OR56B2: variants seen among roughly 807,000 people sequenced by gnomAD.
The protein encoded by OR56B2 is olfactory receptor 56B2.
the OR56B2 span, among the ~76,000 whole-genome samples, chr11:5,768,503 T>C: frequency 1.4e-5 from 2 of 139,856 alleles, 1 homozygote; most frequent in Admixed American, 1.5e-4. Flanking sequence ...TATCTTTCCC[T>C]GTGATAAACA....
At chr11:5,761,281 C>T in the OR56B2 span, 1 of 152,136 alleles carries the variant, frequency 6.6e-6, no homozygotes, top group African/African-American at 2.4e-5. Flanking sequence ...TTTTAATCTT[C>T]GCGGAGATTT....
the OR56B2 span, chr11:5,766,850 CAT>C: frequency 7.2e-6 from 1 of 139,812 alleles, no homozygotes; most frequent in African/African-American, 2.6e-5. Flanking sequence ...GTGCCATTAA[CAT>C]ATGACCCAGG....
At chr11:5,762,014 CAG>C in the OR56B2 span, among the ~76,000 whole-genome samples, 1 of 152,068 alleles carries the variant, frequency 6.6e-6, no homozygotes, top group Non-Finnish European at 1.5e-5. Context: ...ATTGGAAAGA[CAG>C]AGTCTCACAT....
the OR56B2 span, among the ~76,000 whole-genome samples, chr11:5,763,391 G>A: frequency 4.2e-5 from 6 of 141,438 alleles, 2 homozygotes; most frequent in Non-Finnish European, 7.8e-5. Context: ...TCAGCTCACC[G>A]CAACCTCCGC....
chr11:5,761,934 G>C, the OR56B2 span, among the ~76,000 whole-genome samples: 1 of 152,020 alleles, frequency 6.6e-6, no homozygotes, highest in Non-Finnish European at 1.5e-5. Context: ...TTCACCCAAA[G>C]TATTAGAATT....
the OR56B2 span, among the ~76,000 whole-genome samples, chr11:5,763,024 A>G: frequency 6.6e-6 from 1 of 152,042 alleles, no homozygotes; most frequent in African/African-American, 2.4e-5. Flanking sequence ...CTTATCTAAG[A>G]ATACCCGATT....
At chr11:5,766,201 A>G in the OR56B2 span, 2 of 141,026 alleles carry the variant, frequency 1.4e-5, 1 homozygote, top group African/African-American at 5.2e-5. Flanking sequence ...CAAAGGAGAT[A>G]GAAGTAATAT....
chr11:5,761,397 A>G, the OR56B2 span, among the ~76,000 whole-genome samples: 1 of 152,212 alleles, frequency 6.6e-6, no homozygotes, highest in East Asian at 1.9e-4. Context: ...TGTCAAATTA[A>G]TCTGAATATT....
At chr11:5,762,204 A>ATTT in the OR56B2 span, among the ~76,000 whole-genome samples, 11 of 151,654 alleles carry the variant, frequency 7.3e-5, no homozygotes, top group African/African-American at 1.2e-4. Flanking sequence ...TGCCACATGT[A>ATTT]TTTTTTTTCT....
At chr11:5,766,908 A>T in the OR56B2 span, 2 of 140,058 alleles carry the variant, frequency 1.4e-5, no homozygotes, top group Non-Finnish European at 3.2e-5. Flanking sequence ...AAAAATGTTA[A>T]TACAAAAACC....
At chr11:5,768,714 C>T in the OR56B2 span, among the ~76,000 whole-genome samples, 3 of 139,598 alleles carry the variant, frequency 2.1e-5, no homozygotes, top group Admixed American at 1.5e-4. Context: ...TTATTCTCTA[C>T]ATGTATATTT....
At chr11:5,767,257 C>G in the OR56B2 span, 1 of 138,916 alleles carries the variant, frequency 7.2e-6, no homozygotes, top group East Asian at 2.1e-4. Flanking sequence ...AGTTATGTAA[C>G]AGAGAAAACT....
chr11:5,765,197 G>A, the OR56B2 span: 7,040 of 181,710 alleles, frequency 0.039, 1,472 homozygotes, highest in African/African-American at 0.17. Context: ...GGCAGCACTG[G>A]CTCTCCCTGC....
the OR56B2 span, among the ~76,000 whole-genome samples, chr11:5,764,268 C>T: frequency 7.1e-6 from 1 of 140,932 alleles, no homozygotes; most frequent in Non-Finnish European, 1.6e-5. Context: ...CAAAGCATTG[C>T]TCTCAAAATC....
At chr11:5,762,906 C>T in the OR56B2 span, among the ~76,000 whole-genome samples, 1 of 151,990 alleles carries the variant, frequency 6.6e-6, no homozygotes, top group African/African-American at 2.4e-5. Flanking sequence ...AGGCTAGTCA[C>T]AAATACTATA....
At chr11:5,762,056 A>T in the OR56B2 span, among the ~76,000 whole-genome samples, 1 of 152,134 alleles carries the variant, frequency 6.6e-6, no homozygotes. Flanking sequence ...ATTAATGTTT[A>T]GCAATCATCA....
the OR56B2 span, among the ~76,000 whole-genome samples, chr11:5,762,754 A>C: frequency 6.6e-6 from 1 of 152,034 alleles, no homozygotes; most frequent in African/African-American, 2.4e-5. Context: ...AGACAAAAAC[A>C]AATAATTCAA....
At chr11:5,764,946 TC>T in the OR56B2 span, 2 of 140,494 alleles carry the variant, frequency 1.4e-5, no homozygotes, top group East Asian at 4.1e-4. Flanking sequence ...GTACCTAATA[TC>T]ACATAGGATA....
At chr11:5,761,932 A>G in the OR56B2 span, among the ~76,000 whole-genome samples, 2 of 152,104 alleles carry the variant, frequency 1.3e-5, no homozygotes, top group African/African-American at 4.8e-5. Flanking sequence ...TTTTCACCCA[A>G]AGTATTAGAA....
Sources: gnomAD v4.1 joint callset for allele counts (sites outside exome capture counted in the v4.1 genomes callset) on GRCh38, gnomAD v4.1.1 for gene constraint, MANE v1.5 for transcripts, NCBI Gene and HGNC (gene_info 2026-07-23, HGNC 2026-07-21) for gene names.